MSH3: variants seen among roughly 807,000 people sequenced by gnomAD.
MSH3 encodes DNA mismatch repair protein Msh3.
MSH3 carries 106 observed loss-of-function variants against 123.3 expected under a neutral mutation model. That is an observed-to-expected ratio of 0.86 (90% CI 0.73 to 1.01). The LOEUF (loss-of-function observed/expected upper bound fraction) is 1.01. Among genes scored for constraint, MSH3 ranks in the 50% least tolerant of loss-of-function variants. The pLI is 0.00. For missense variants in MSH3, 1,459 were observed against 1,347.6 expected (o/e 1.08, Z -1.29); for synonymous variants, 515 against 481.4 (o/e 1.07, Z -0.91).
rs1580556438 is a variant in MSH3, at chr5:80,678,964, G to T, written c.1211G>T (p.Ser404Ile). Residue 404 changes from serine to isoleucine, a missense_variant, in exon 8 of 24, where the codon AGT becomes ATT. Physicochemically the swap from Ser to Ile is moderately radical, Grantham distance 142 (BLOSUM62 -2). Coordinates refer to ENST00000265081, the MANE Select transcript of MSH3 (RefSeq NM_002439.5). ...GCCACAGGCGAGGTTGTGTTTGATA[G>T]TTTCCAGGACTCTGCTTCTCGTTCA... is the stretch of plus-strand genomic sequence containing the variant. Reference protein sequence around the residue: ...QPATGEVVFDSFQDSASRSEL... With the variant: ...QPATGEVVFDIFQDSASRSEL... The T allele has an allele frequency of 9.9e-6, 16 of 1,614,112 alleles. No homozygotes were observed. Among genetic ancestry groups the T allele is most frequent in the Non-Finnish European group, 1.2e-5 (14 of 1,179,992 alleles).
chr5:80,741,025 G>C (rs1237505163), intron 10 of MSH3, among the ~76,000 whole-genome samples: 1 of 152,070 alleles, frequency 6.6e-6, no homozygotes, highest in Non-Finnish European at 1.5e-5. Context: ...CTAGAATCTT[G>C]ATTAAAAGTA....
chr5:80,769,417 G>A (rs1744178358), intron 15 of MSH3, among the ~76,000 whole-genome samples: 1 of 151,892 alleles, frequency 6.6e-6, no homozygotes, highest in South Asian at 2.1e-4. Flanking sequence ...TCCTCCTAAA[G>A]TTAAGAGTAT....
intron 20 of MSH3, among the ~76,000 whole-genome samples, chr5:80,834,999 G>C (rs536023105): frequency 6.6e-6 from 1 of 152,266 alleles, no homozygotes; most frequent in South Asian, 2.1e-4. Context: ...TAAAATAGGA[G>C]TATAAAATGA....
intron 22 of MSH3, among the ~76,000 whole-genome samples, chr5:80,870,169 C>T (rs917784636): frequency 1.1e-4 from 10 of 95,004 alleles, no homozygotes; most frequent in Admixed American, 3.5e-4. Context: ...AGCGAAACTC[C>T]GTCTCAAAAA....
chr5:80,874,910 A>AT (rs1746279533), intron 23 of MSH3, among the ~76,000 whole-genome samples: 1 of 152,224 alleles, frequency 6.6e-6, no homozygotes, highest in African/African-American at 2.4e-5. Context: ...GAATCTGATC[A>AT]TTTATCAAGA....
intron 3 of MSH3, among the ~76,000 whole-genome samples, chr5:80,669,104 A>G (rs533924043): frequency 6.6e-6 from 1 of 152,230 alleles, no homozygotes; most frequent in African/African-American, 2.4e-5. Flanking sequence ...GCTGGACTGC[A>G]CTGTTCAAAT....
intron 12 of MSH3, among the ~76,000 whole-genome samples, chr5:80,758,786 T>A (rs1228093689): frequency 2.6e-5 from 4 of 152,190 alleles, no homozygotes; most frequent in African/African-American, 9.7e-5. Flanking sequence ...TTATTAAACT[T>A]TTTTGCTCGT....
At position 80,778,734 on chromosome 5, in the gene MSH3, G is replaced by A; in HGVS notation, c.2333G>A (p.Ser778Asn). 1 of 1,608,308 alleles carries A rather than the reference G, an allele frequency of 6.2e-7. No homozygotes were observed. The highest frequency in any genetic ancestry group is 8.5e-7 in the Non-Finnish European group (1 of 1,174,766). Residue 778 changes from serine to asparagine, a missense_variant, in exon 17 of 24, where the codon AGC becomes AAC. Coordinates refer to ENST00000265081, the MANE Select transcript of MSH3 (RefSeq NM_002439.5). ...WVKVGSTKAV[S>N]RFHSPFIVEN... is the part of the protein sequence containing the mutation. The stretch of plus-strand genomic sequence containing the variant: ...CCCTCTTCTAGCACAAAAGCTGTGA[G>A]CCGCTTTCACTCTCCTTTTATTGTA...
chr5:80,768,262 C>T (rs541894563), intron 14 of MSH3, 142 bp downstream of exon 14: 2 of 844,824 alleles, frequency 2.4e-6, no homozygotes, highest in African/African-American at 3.4e-5. Context: ...TGTGATTGGA[C>T]CCTAAAAGTG....
At chr5:80,836,339 T>C (rs1055534010) in intron 20 of MSH3, among the ~76,000 whole-genome samples, 1 of 152,162 alleles carries the variant, frequency 6.6e-6, no homozygotes, top group Non-Finnish European at 1.5e-5. Context: ...GACACTCTGC[T>C]TAACACTTGA....
chr5:80,738,874 G>T (rs1743561939), intron 10 of MSH3, among the ~76,000 whole-genome samples: 1 of 152,140 alleles, frequency 6.6e-6, no homozygotes, highest in Non-Finnish European at 1.5e-5. Context: ...TGGGATTAAT[G>T]CCCTTATATT....
intron 15 of MSH3, among the ~76,000 whole-genome samples, chr5:80,774,074 T>C (rs1163757312): frequency 6.6e-6 from 1 of 152,136 alleles, no homozygotes; most frequent in Non-Finnish European, 1.5e-5. Flanking sequence ...GGCCTGAATT[T>C]GGTTGCAATA....
chr5:80,798,566 C>T (rs1235266192), intron 19 of MSH3, among the ~76,000 whole-genome samples: 1 of 152,138 alleles, frequency 6.6e-6, no homozygotes, highest in East Asian at 1.9e-4. Flanking sequence ...TAATTTAATT[C>T]CATGGCTAAA....
At chr5:80,848,244 A>G (rs1007822033) in intron 20 of MSH3, among the ~76,000 whole-genome samples, 1 of 152,230 alleles carries the variant, frequency 6.6e-6, no homozygotes, top group Non-Finnish European at 1.5e-5. Flanking sequence ...AAACAATAAT[A>G]AAATAAAAGC....
chr5:80,676,426 G>C lies in MSH3; in HGVS notation c.1173+1298G>C, dbSNP rs1036605302. ...TGCTAAAGGTCTTAGACTTTTTAAG[G>C]CCCTTCAGAACAATCAGACACCCCT... is the stretch of plus-strand genomic sequence containing the variant. On this transcript the variant is annotated intron_variant, in intron 7 of 23. Transcript: ENST00000265081. Among the ~76,000 whole-genome samples the C allele has an allele frequency of 2.6e-5, 4 of 152,254 alleles. No homozygotes were observed. In the East Asian group the frequency reaches 5.8e-4, roughly 22 times the overall value.
At chr5:80,839,335 T>A (rs1047866051) in intron 20 of MSH3, among the ~76,000 whole-genome samples, 2 of 152,180 alleles carry the variant, frequency 1.3e-5, no homozygotes, top group African/African-American at 4.8e-5. Context: ...GCCACTGCAA[T>A]CCAACCTGGA....
intron 9 of MSH3, among the ~76,000 whole-genome samples, chr5:80,727,808 A>G (rs572700055): frequency 6.6e-6 from 1 of 152,308 alleles, no homozygotes; most frequent in East Asian, 1.9e-4. Flanking sequence ...GTGCTATGAA[A>G]AAAATAAGGC....
intron 8 of MSH3, among the ~76,000 whole-genome samples, chr5:80,708,920 G>T (rs777824216): frequency 1.3e-5 from 2 of 151,686 alleles, no homozygotes; most frequent in Non-Finnish European, 2.9e-5. Flanking sequence ...GATTACAGGC[G>T]CCCACTACCA....
Position 80,656,483 on chromosome 5 carries a change from G to C in MSH3, c.310G>C (p.Val104Leu), listed in dbSNP as rs1749289816. 6.2e-7 allele frequency: 1 copy of C among 1,614,184 alleles called. No homozygotes were observed. Among genetic ancestry groups the C allele is most frequent in the South Asian group, 1.1e-5 (1 of 91,084 alleles). Residue 104 changes from valine (V) to leucine (L), a missense_variant, in exon 2 of 24, where the codon GTC (valine) becomes CTC (leucine). Val to Leu is a conservative substitution (Grantham distance 32). Transcript: ENST00000265081. Reference protein sequence around the residue: ...DGPVKKKVKKVQQKEGGSDLG... With the variant: ...DGPVKKKVKKLQQKEGGSDLG... ...GCCTGTTAAAAAGAAAGTAAAGAAA[G>C]TCCAACAAAAGGAAGGAGGAAGTGA...
Sources: allele counts gnomAD v4.1 joint callset (sites outside exome capture counted in the v4.1 genomes callset), GRCh38; gene constraint gnomAD v4.1.1; transcripts MANE v1.5; gene names NCBI Gene and HGNC (gene_info 2026-07-23, HGNC 2026-07-21).